DCDC1: variants seen among roughly 807,000 people sequenced by gnomAD.
DCDC1 encodes the protein doublecortin domain-containing protein 1.
A neutral mutation model predicts 178.3 loss-of-function variants in DCDC1; 200 were observed. The observed-to-expected ratio is 1.12, with a 90% CI of 1.00 to 1.26. The LOEUF (loss-of-function observed/expected upper bound fraction) is 1.26. Ranked by LOEUF, DCDC1 falls within the 50% of genes most tolerant of loss-of-function variation. The pLI is 0.00. For missense variants in DCDC1, 1,983 were observed against 1,749.2 expected, an observed-to-expected ratio of 1.13 and a Z score of -2.38; for synonymous variants, 690 against 604.8, an observed-to-expected ratio of 1.14 and a Z score of -2.07.
chr11:31,150,612 A>G (rs990357620), intron 9 of DCDC1, among the ~76,000 whole-genome samples: 1 of 152,188 alleles, frequency 6.6e-6, no homozygotes, highest in African/African-American at 2.4e-5. Flanking sequence ...GTATAAAGAG[A>G]AAGAGATGCA....
intron 36 of DCDC1, among the ~76,000 whole-genome samples, 192 bp downstream of exon 36, chr11:30,892,626 T>C (rs1241843305): frequency 2.0e-5 from 3 of 152,228 alleles, no homozygotes; most frequent in African/African-American, 4.8e-5. Context: ...TCAGACAGCA[T>C]TGAACTTCAC....
chr11:31,340,767 GC>G (rs1338654664), intron 1 of DCDC1, among the ~76,000 whole-genome samples: 1 of 152,098 alleles, frequency 6.6e-6, no homozygotes, highest in East Asian at 1.9e-4. Flanking sequence ...TCTCTAGCCT[GC>G]CAGCCTACCC....
chr11:31,309,195 A>AGG (rs1948630116), intron 3 of DCDC1, among the ~76,000 whole-genome samples: 1 of 150,776 alleles, frequency 6.6e-6, no homozygotes, highest in Non-Finnish European at 1.5e-5. Flanking sequence ...CAGTGGACCC[A>AGG]GGGGAACTAC....
At chr11:31,347,305 A>G (rs1248954931) in intron 1 of DCDC1, among the ~76,000 whole-genome samples, 3 of 152,200 alleles carry the variant, frequency 2.0e-5, no homozygotes, top group East Asian at 1.9e-4. Context: ...TAGAATCACC[A>G]TAATTTAACA....
chr11:31,130,900 AGGCCGGGCGCGGTGGCTC>A (rs1962351866), intron 10 of DCDC1, among the ~76,000 whole-genome samples: 6 of 106,364 alleles, frequency 5.6e-5, no homozygotes, highest in African/African-American at 1.3e-4. Flanking sequence ...AAACAAAATT[AGGCCGGGCGCGGTGGCTC>A]ACGCCTGTAA....
At chr11:31,124,154 G>T (rs1421253582) in intron 11 of DCDC1, among the ~76,000 whole-genome samples, 1 of 151,994 alleles carries the variant, frequency 6.6e-6, no homozygotes, top group Non-Finnish European at 1.5e-5. Flanking sequence ...CTGGCTGTGG[G>T]TTTGTCATAA....
chr11:31,246,924 A>G (rs1343188102), intron 8 of DCDC1, among the ~76,000 whole-genome samples: 1 of 152,090 alleles, frequency 6.6e-6, no homozygotes, highest in East Asian at 1.9e-4. Flanking sequence ...TCCACTGAAC[A>G]AAATGACAAG....
intron 11 of DCDC1, among the ~76,000 whole-genome samples, chr11:31,118,091 G>C (rs1960240585): frequency 6.6e-6 from 1 of 151,928 alleles, no homozygotes; most frequent in South Asian, 2.1e-4. Flanking sequence ...ATAGTCATGT[G>C]CCCCTCAAAT....
At chr11:31,245,879 T>C (rs1943522917) in intron 8 of DCDC1, among the ~76,000 whole-genome samples, 1 of 151,956 alleles carries the variant, frequency 6.6e-6, no homozygotes, top group Admixed American at 6.6e-5. Flanking sequence ...GGATCTTCTA[T>C]TAAAACTTTC....
intron 20 of DCDC1, among the ~76,000 whole-genome samples, chr11:30,953,785 A>G (rs1948577706): frequency 6.6e-6 from 1 of 152,116 alleles, no homozygotes; most frequent in Non-Finnish European, 1.5e-5. Flanking sequence ...CTTGTGCATG[A>G]AAGTTCACAG....
chr11:30,986,005 A>G (rs1950620994), intron 20 of DCDC1, among the ~76,000 whole-genome samples: 1 of 152,192 alleles, frequency 6.6e-6, no homozygotes, highest in South Asian at 2.1e-4. Context: ...GAAAACTCAC[A>G]TGATGGTGGA....
rs1294801524 is a variant in DCDC1 at position 30,952,498 on chromosome 11, A to G, written c.2662T>C (p.Trp888Arg). Residue 888 changes from tryptophan (W) to arginine (R), a missense_variant, in exon 21 of 39, where the codon TGG (tryptophan) becomes CGG (arginine). Transcript: ENST00000684477. ...GGCCACATGTAGGTAAGCTTGTTCCATAGAGGATTTTCAACTCTAGAATGT... is the reference window on the plus strand; with the variant it reads ...GGCCACATGTAGGTAAGCTTGTTCCGTAGAGGATTTTCAACTCTAGAATGT... ...WKHSRVENPL[W>R]NKLTYMWPVL... is the part of the protein sequence containing the mutation. 2 of 1,587,342 alleles carry G rather than the reference A, an allele frequency of 1.3e-6. No individual in the cohort carries two copies. Among genetic ancestry groups the G allele is most frequent in the Admixed American group, 1.7e-5 (1 of 59,524 alleles).
chr11:31,369,311 C>T (rs976083124), intron 1 of DCDC1, among the ~76,000 whole-genome samples: 1 of 152,176 alleles, frequency 6.6e-6, no homozygotes, highest in Non-Finnish European at 1.5e-5. Context: ...TTAATAATTA[C>T]GTCGAATATC....
chr11:30,875,670 GTC>G, intron 38 of DCDC1, among the ~76,000 whole-genome samples: 1 of 152,188 alleles, frequency 6.6e-6, no homozygotes, highest in Admixed American at 6.5e-5. Flanking sequence ...TTCTAAGTGA[GTC>G]TCTGACAAAA....
chr11:31,018,874 T>G (rs1463574498), intron 20 of DCDC1, among the ~76,000 whole-genome samples: 1 of 152,024 alleles, frequency 6.6e-6, no homozygotes, highest in Non-Finnish European at 1.5e-5. Flanking sequence ...GCTTTGGTAA[T>G]AAGGTGTGGC....
At chr11:31,087,949 C>G (rs1957579081) in intron 17 of DCDC1, among the ~76,000 whole-genome samples, 1 of 151,992 alleles carries the variant, frequency 6.6e-6, no homozygotes, top group Non-Finnish European at 1.5e-5. Flanking sequence ...AGATGTTTCT[C>G]TTTTTCCTGG....
chr11:31,050,428 T>C (rs180859089), intron 20 of DCDC1, among the ~76,000 whole-genome samples: 1 of 152,264 alleles, frequency 6.6e-6, no homozygotes, highest in Admixed American at 6.5e-5. Context: ...ACCCTGATAG[T>C]GGAAGACAAA....
intron 20 of DCDC1, among the ~76,000 whole-genome samples, chr11:30,988,730 A>G (rs540121991): frequency 3.2e-4 from 49 of 152,296 alleles, no homozygotes; most frequent in Middle Eastern, 3.4e-3. Context: ...AAAAAAACGC[A>G]AAAAAATCTT....
chr11:31,243,243 A>T lies in DCDC1; in HGVS notation c.1055-1627T>A, dbSNP rs1326214724. 5.3e-5 allele frequency among the ~76,000 whole-genome samples: 8 copies of T among 151,874 alleles called. No homozygotes were observed. The East Asian group carries it at 1.5e-3, about 29-fold the overall frequency. ...ATAATATAAAGCAACCTTGATTACA[A>T]TTTTTTCAAAAGAAACCTAGCTTAA... On this transcript the variant is annotated intron_variant, in intron 8 of 38. Coordinates refer to ENST00000684477, the MANE Select transcript of DCDC1 (RefSeq NM_001387274.1).
Sources: allele counts gnomAD v4.1 joint callset (sites outside exome capture counted in the v4.1 genomes callset), GRCh38; gene constraint gnomAD v4.1.1; transcripts MANE v1.5; gene names NCBI Gene and HGNC (gene_info 2026-07-23, HGNC 2026-07-21).